CPQ: variants seen among roughly 807,000 people sequenced by gnomAD.
CPQ encodes the protein carboxypeptidase Q.
A neutral mutation model predicts 45.7 loss-of-function variants in CPQ; 37 were observed. That is an observed-to-expected ratio of 0.81 (90% CI 0.62 to 1.07). The LOEUF is 1.07. Ranked by LOEUF, CPQ falls within the 50% of genes least tolerant of loss-of-function variation. The pLI, the probability that CPQ is intolerant of heterozygous loss-of-function variation, is 0.00. For synonymous variants in CPQ, 186 were observed against 205.8 expected, an observed-to-expected ratio of 0.90 and a Z score of 0.82; for missense variants, 537 against 572.9, an observed-to-expected ratio of 0.94 and a Z score of 0.64.
intron 5 of CPQ, among the ~76,000 whole-genome samples, chr8:96,990,535 C>G (rs975176608): frequency 2.0e-5 from 3 of 152,322 alleles, no homozygotes; most frequent in East Asian, 3.9e-4. Flanking sequence ...ACACAGAACT[C>G]AAATGCAGTT....
chr8:96,889,783 C>T (rs1024202085), intron 4 of CPQ, among the ~76,000 whole-genome samples: 2 of 152,170 alleles, frequency 1.3e-5, no homozygotes, highest in African/African-American at 2.4e-5. Context: ...GCATCCAGTA[C>T]AGAAGAAAGG....
At chr8:96,866,656 G>C (rs954703743) in intron 3 of CPQ, among the ~76,000 whole-genome samples, 5 of 151,752 alleles carry the variant, frequency 3.3e-5, no homozygotes, top group African/African-American at 1.2e-4. Flanking sequence ...TCTATTTTTG[G>C]ATGATTTGAC....
intron 2 of CPQ, among the ~76,000 whole-genome samples, chr8:96,817,568 G>T (rs1222309875): frequency 6.6e-6 from 1 of 151,806 alleles, no homozygotes; most frequent in Non-Finnish European, 1.5e-5. Flanking sequence ...TCAGCAATAA[G>T]ACTATTTTGC....
intron 2 of CPQ, among the ~76,000 whole-genome samples, chr8:96,830,613 T>C (rs963836309): frequency 3.9e-5 from 6 of 152,140 alleles, no homozygotes; most frequent in African/African-American, 1.4e-4. Context: ...TTAGCTTCAG[T>C]CCCACATTCT....
At chr8:96,951,064 A>G (rs1040744224) in intron 4 of CPQ, among the ~76,000 whole-genome samples, 1 of 152,158 alleles carries the variant, frequency 6.6e-6, no homozygotes, top group South Asian at 2.1e-4. Context: ...TTATAGAGTT[A>G]AAACAGATGA....
chr8:97,062,722 G>C (rs892785713), intron 6 of CPQ, among the ~76,000 whole-genome samples: 1 of 152,100 alleles, frequency 6.6e-6, no homozygotes, highest in Non-Finnish European at 1.5e-5. Context: ...GAGAACATGT[G>C]GTATTTGGTT....
intron 1 of CPQ, among the ~76,000 whole-genome samples, chr8:96,689,314 A>G (rs939670574): frequency 1.3e-5 from 2 of 152,154 alleles, no homozygotes; most frequent in Non-Finnish European, 2.9e-5. Flanking sequence ...CAGCAGAAAT[A>G]TACTGCCACC....
intron 5 of CPQ, among the ~76,000 whole-genome samples, chr8:97,027,554 C>A (rs1186792696): frequency 2.6e-5 from 4 of 152,156 alleles, no homozygotes; most frequent in Non-Finnish European, 4.4e-5. Flanking sequence ...CAGGTAAATA[C>A]ATATCCCAGT....
chr8:96,647,727 T>A (rs1237834810), intron 1 of CPQ, among the ~76,000 whole-genome samples: 1 of 151,908 alleles, frequency 6.6e-6, no homozygotes, highest in East Asian at 1.9e-4. Context: ...TATAGGGGAG[T>A]TGGTTGTTTT....
At chr8:97,114,151 G>A (rs942302690) in intron 7 of CPQ, among the ~76,000 whole-genome samples, 5 of 152,186 alleles carry the variant, frequency 3.3e-5, no homozygotes, top group African/African-American at 1.2e-4. Flanking sequence ...GCCCCATACT[G>A]TTTGTCTGTC....
chr8:96,811,205 G>A (rs1811157321), intron 2 of CPQ, among the ~76,000 whole-genome samples: 1 of 152,018 alleles, frequency 6.6e-6, no homozygotes, highest in Non-Finnish European at 1.5e-5. Context: ...CTGAACTACA[G>A]CACGTTATCT....
At chr8:97,116,172 A>G (rs1226808887) in intron 7 of CPQ, among the ~76,000 whole-genome samples, 1 of 152,256 alleles carries the variant, frequency 6.6e-6, no homozygotes, top group African/African-American at 2.4e-5. Flanking sequence ...GACAAAAGTC[A>G]AAGACATCCA....
intron 7 of CPQ, among the ~76,000 whole-genome samples, chr8:97,099,055 A>G (rs1741866480): frequency 6.6e-6 from 1 of 151,304 alleles, no homozygotes; most frequent in African/African-American, 2.4e-5. Flanking sequence ...TAAAGCATTC[A>G]AGATGCTAAA....
chr8:97,075,527 C>T lies in CPQ; in HGVS notation c.1255+9317C>T, dbSNP rs927099909. Among the ~76,000 whole-genome samples, 11 of 152,034 alleles carry T rather than the reference C, an allele frequency of 7.2e-5. No homozygotes were observed. In the East Asian group the frequency reaches 1.7e-3, roughly 24 times the overall value. ...AACTGATTTTGGTTAGCTTAATAAT[C>T]GTGAAGATAAGAATAAAGACTTCAT... On this transcript the variant is annotated intron_variant, in intron 7 of 7. Transcript: ENST00000220763.
chr8:96,889,850 A>T (rs996658585), intron 4 of CPQ, among the ~76,000 whole-genome samples: 3 of 152,218 alleles, frequency 2.0e-5, no homozygotes, highest in Non-Finnish European at 4.4e-5. Flanking sequence ...GCCATTGCTT[A>T]GATGGTGCCC....
chr8:96,894,267 C>T (rs981616065), intron 4 of CPQ, among the ~76,000 whole-genome samples: 3 of 152,138 alleles, frequency 2.0e-5, no homozygotes, highest in Non-Finnish European at 2.9e-5. Context: ...ATTCTTGACT[C>T]ACAAGAACAG....
chr8:97,022,931 C>T (rs1369477553), intron 5 of CPQ, among the ~76,000 whole-genome samples: 3 of 147,730 alleles, frequency 2.0e-5, no homozygotes, highest in Admixed American at 6.7e-5. Flanking sequence ...CTTGCACACA[C>T]GTTTATAGCA....
At chr8:97,011,796 A>G (rs1809489453) in intron 5 of CPQ, among the ~76,000 whole-genome samples, 2 of 152,170 alleles carry the variant, frequency 1.3e-5, no homozygotes, top group Admixed American at 6.5e-5. Context: ...TGCCCAGTCA[A>G]TCTTGGTCCC....
At chr8:96,880,489 G>A (rs1167546269) in intron 4 of CPQ, among the ~76,000 whole-genome samples, 1 of 141,060 alleles carries the variant, frequency 7.1e-6, no homozygotes, top group African/African-American at 2.7e-5. Context: ...CCCATCAATG[G>A]TGGGCTGGCT....
Sources: gnomAD v4.1 joint callset for allele counts (sites outside exome capture counted in the v4.1 genomes callset) on GRCh38, gnomAD v4.1.1 for gene constraint, MANE v1.5 for transcripts, NCBI Gene and HGNC (gene_info 2026-07-23, HGNC 2026-07-21) for gene names.